The following SAMD5 variants were observed in gnomAD, a reference collection of about 807,000 sequenced individuals.
SAMD5 encodes sterile alpha motif domain containing 5, also known as sterile alpha motif domain-containing protein 5.
A neutral mutation model predicts 11.3 loss-of-function variants in SAMD5; 13 were observed. The observed-to-expected ratio is 1.15, with a 90% CI of 0.75 to 1.83. The LOEUF (loss-of-function observed/expected upper bound fraction) is 1.83, where lower values mean the gene tolerates loss of function less well. SAMD5 is among the 40% of genes most tolerant of loss of function. The pLI is 0.00. For missense variants in SAMD5, 255 were observed against 239.1 expected (o/e 1.07, Z -0.44); for synonymous variants, 129 against 111.3 (o/e 1.16, Z -1.00).
the SAMD5 span, among the ~76,000 whole-genome samples, chr6:147,788,103 G>C: frequency 4.7e-3 from 717 of 152,324 alleles, 6 homozygotes; most frequent in Middle Eastern, 0.014. Context: ...AGTTGCATGG[G>C]TGGGTTTATT....
At chr6:147,921,274 A>AACACAC in the SAMD5 span, among the ~76,000 whole-genome samples, 17,023 of 140,936 alleles carry the variant, frequency 0.12, 1,085 homozygotes, top group Non-Finnish European at 0.14. Flanking sequence ...GAGAGTATAA[A>AACACAC]ACACACACAC....
chr6:147,543,771 G>T (rs1788641656), intron 1 of SAMD5, among the ~76,000 whole-genome samples: 1 of 152,114 alleles, frequency 6.6e-6, no homozygotes, highest in Admixed American at 6.5e-5. Context: ...ATGAATTAGG[G>T]GTTCGGAATA....
At chr6:147,597,342 A>G (rs1789547066) in intron 1 of SAMD5, among the ~76,000 whole-genome samples, 1 of 152,170 alleles carries the variant, frequency 6.6e-6, no homozygotes, top group Non-Finnish European at 1.5e-5. Flanking sequence ...TCAGACCATG[A>G]ATTAATCCCT....
At chr6:147,828,512 A>C in the SAMD5 span, among the ~76,000 whole-genome samples, 1 of 152,164 alleles carries the variant, frequency 6.6e-6, no homozygotes, top group Non-Finnish European at 1.5e-5. Context: ...TGCCAGCGCA[A>C]CCAGAATAAA....
chr6:147,897,943 T>TAAAAAAAAAAAAAAA, the SAMD5 span, among the ~76,000 whole-genome samples: 1 of 89,638 alleles, frequency 1.1e-5, no homozygotes, highest in African/African-American at 4.3e-5. Context: ...AGATTTTTCT[T>TAAAAAAAAAAAAAAA]AAAAAAAAAA....
At chr6:147,909,936 G>A in the SAMD5 span, among the ~76,000 whole-genome samples, 5 of 152,040 alleles carry the variant, frequency 3.3e-5, no homozygotes, top group Admixed American at 6.6e-5. Flanking sequence ...TGGACCCGGA[G>A]CATGATGTTA....
At chr6:147,529,126 G>C (rs1219664290) in intron 1 of SAMD5, among the ~76,000 whole-genome samples, 2 of 152,196 alleles carry the variant, frequency 1.3e-5, no homozygotes, top group Non-Finnish European at 2.9e-5. Flanking sequence ...CAAGCACTTA[G>C]TAAACTATTA....
At position 147,657,194 on chromosome 6, in the gene SAMD5, A is replaced by C. The variant is rs534058882; in HGVS notation, c.163-80123A>C. Among the ~76,000 whole-genome samples, 4 of 152,262 alleles carry C rather than the reference A, an allele frequency of 2.6e-5. No homozygotes were observed. In the South Asian group the frequency reaches 6.2e-4, roughly 24 times the overall value. ...TTCTTATAGGTATGAAACAAGGAAA[A>C]ATTAGAAAACATACTGATCTTGTGC... On this transcript the variant is annotated intron_variant, in intron 1 of 1. Transcript: ENST00000566741.
the SAMD5 span, among the ~76,000 whole-genome samples, chr6:147,805,737 A>G: frequency 6.6e-6 from 1 of 152,140 alleles, no homozygotes; most frequent in African/African-American, 2.4e-5. Context: ...AAGGAAGAGT[A>G]TTGGCTGAGA....
At chr6:147,694,009 G>A (rs1286784348) in intron 1 of SAMD5, among the ~76,000 whole-genome samples, 2 of 152,110 alleles carry the variant, frequency 1.3e-5, no homozygotes, top group Admixed American at 1.3e-4. Flanking sequence ...GGAGTGTCAC[G>A]TGGAGCAGTT....
chr6:147,936,490 C>A, the SAMD5 span, among the ~76,000 whole-genome samples: 5 of 151,928 alleles, frequency 3.3e-5, no homozygotes, highest in Non-Finnish European at 7.4e-5. Flanking sequence ...ATGACCAGAT[C>A]TTATGAAAAC....
intron 1 of SAMD5, among the ~76,000 whole-genome samples, chr6:147,619,884 G>C (rs1451675978): frequency 6.6e-6 from 1 of 152,182 alleles, no homozygotes; most frequent in Non-Finnish European, 1.5e-5. Flanking sequence ...CCTGCTGGCT[G>C]TCCCTGATGG....
chr6:147,885,889 T>C, the SAMD5 span, among the ~76,000 whole-genome samples: 50 of 152,218 alleles, frequency 3.3e-4, 1 homozygote, highest in Non-Finnish European at 4.1e-4. Context: ...GCCAAGATGA[T>C]TTCATGGGAA....
At chr6:147,815,504 C>A in the SAMD5 span, among the ~76,000 whole-genome samples, 1 of 151,960 alleles carries the variant, frequency 6.6e-6, no homozygotes, top group Non-Finnish European at 1.5e-5. Flanking sequence ...CCTTATGTAG[C>A]ATTAGAGGTC....
intron 1 of SAMD5, among the ~76,000 whole-genome samples, chr6:147,512,894 C>A (rs1338068266): frequency 1.3e-5 from 2 of 152,092 alleles, no homozygotes; most frequent in Non-Finnish European, 2.9e-5. Context: ...GTACATGATA[C>A]CATGAACAGG....
chr6:147,871,487 C>G, the SAMD5 span, among the ~76,000 whole-genome samples: 1 of 152,146 alleles, frequency 6.6e-6, no homozygotes, highest in Non-Finnish European at 1.5e-5. Flanking sequence ...AAAATGTAAC[C>G]TCTTTTTAAA....
At chr6:147,832,028 G>A in the SAMD5 span, among the ~76,000 whole-genome samples, 1 of 151,890 alleles carries the variant, frequency 6.6e-6, no homozygotes. Flanking sequence ...AAATCAGTAG[G>A]CTAATATTAA....
At chr6:147,627,331 T>C (rs1453419256) in intron 1 of SAMD5, among the ~76,000 whole-genome samples, 2 of 152,176 alleles carry the variant, frequency 1.3e-5, no homozygotes, top group African/African-American at 4.8e-5. Context: ...ACCGGGGTGG[T>C]GTGGCACCTG....
intron 1 of SAMD5, among the ~76,000 whole-genome samples, chr6:147,650,329 G>A (rs139993987): frequency 2.6e-5 from 4 of 152,294 alleles, no homozygotes; most frequent in Middle Eastern, 3.4e-3. Context: ...AGGATTAGTG[G>A]AGTTAGGGTG....
Sources: allele counts gnomAD v4.1 joint callset (sites outside exome capture counted in the v4.1 genomes callset), GRCh38; gene constraint gnomAD v4.1.1; transcripts MANE v1.5; gene names NCBI Gene and HGNC (gene_info 2026-07-23, HGNC 2026-07-21).